MPP7: variants seen among roughly 807,000 people sequenced by gnomAD.
MPP7 encodes MAGUK p55 subfamily member 7.
In MPP7, 60 loss-of-function variants were observed where a neutral mutation model predicts 76.5. The ratio of observed to expected loss-of-function variants is 0.78; its 90% confidence interval spans 0.64 to 0.97. MPP7 has a LOEUF of 0.97. Among genes scored for constraint, MPP7 ranks in the 50% least tolerant of loss-of-function variants. MPP7 has a pLI of 0.00. For synonymous variants in MPP7, 237 were observed against 244.5 expected (o/e 0.97, Z 0.29); for missense variants, 641 against 694.0 (o/e 0.92, Z 0.86).
intron 3 of MPP7, among the ~76,000 whole-genome samples, chr10:28,187,904 T>C (rs1433875065): frequency 6.6e-6 from 1 of 152,220 alleles, no homozygotes; most frequent in Non-Finnish European, 1.5e-5. Context: ...GCAAATCTCA[T>C]AGTGCTAATT....
At chr10:28,147,709 A>C in intron 4 of MPP7, 146 bp from the exon 5 acceptor site, 1 of 694,184 alleles carries the variant, frequency 1.4e-6, no homozygotes, top group Non-Finnish European at 2.5e-6. Context: ...CAGATCATCA[A>C]TCATTGCTCT....
intron 2 of MPP7, among the ~76,000 whole-genome samples, chr10:28,319,502 C>T (rs551382918): frequency 6.6e-5 from 10 of 151,498 alleles, no homozygotes; most frequent in African/African-American, 2.4e-4. Flanking sequence ...CATGGCAAAA[C>T]CCCGTCTCTA....
chr10:28,124,762 C>T (rs1034952708), intron 7 of MPP7, among the ~76,000 whole-genome samples: 3 of 151,938 alleles, frequency 2.0e-5, no homozygotes, highest in Non-Finnish European at 2.9e-5. Flanking sequence ...GGATTACAGG[C>T]GTGAGCCACC....
intron 2 of MPP7, among the ~76,000 whole-genome samples, chr10:28,204,614 G>C (rs570953361): frequency 6.6e-6 from 1 of 152,298 alleles, no homozygotes; most frequent in African/African-American, 2.4e-5. Flanking sequence ...TCGGAAGAAA[G>C]TAGCTGAGGG....
chr10:28,119,012 C>T, intron 11 of MPP7: 1 of 985,222 alleles, frequency 1.0e-6, no homozygotes, highest in African/African-American at 1.7e-5. Context: ...GGGATGCAGA[C>T]TTGAAGAGCT....
chr10:28,294,050 G>T (rs1301425916), intron 1 of MPP7, among the ~76,000 whole-genome samples: 2 of 152,234 alleles, frequency 1.3e-5, no homozygotes, highest in Non-Finnish European at 2.9e-5. Flanking sequence ...GCTCACGCCT[G>T]TAATACCAGC....
chr10:28,290,491 G>A (rs1840890820), intron 1 of MPP7, among the ~76,000 whole-genome samples: 1 of 152,024 alleles, frequency 6.6e-6, no homozygotes, highest in Non-Finnish European at 1.5e-5. Flanking sequence ...GTTTTGTTGA[G>A]ATAAGAGATT....
intron 13 of MPP7, among the ~76,000 whole-genome samples, chr10:28,068,655 C>A (rs1420698149): frequency 6.6e-6 from 1 of 151,896 alleles, no homozygotes; most frequent in Non-Finnish European, 1.5e-5. Flanking sequence ...CATGAAAAGC[C>A]CATTTAACAT....
At chr10:28,155,605 A>AAAAAAAAAG (rs112075429) in intron 3 of MPP7, among the ~76,000 whole-genome samples, 2 of 150,592 alleles carry the variant, frequency 1.3e-5, no homozygotes, top group African/African-American at 5.0e-5. Context: ...CTCCAAAAAA[A>AAAAAAAAAG]AAAAGAAAGA....
chr10:28,103,626 A>C (rs1240094273), intron 11 of MPP7, among the ~76,000 whole-genome samples: 1 of 152,104 alleles, frequency 6.6e-6, no homozygotes, highest in African/African-American at 2.4e-5. Context: ...ATTATTCAGC[A>C]ATTTGTCTCC....
At chr10:28,093,446 T>C (rs1053874390) in intron 11 of MPP7, among the ~76,000 whole-genome samples, 3 of 150,674 alleles carry the variant, frequency 2.0e-5, no homozygotes, top group African/African-American at 7.3e-5. Flanking sequence ...TACTTTCCTT[T>C]TTTTTTTTTT....
intron 1 of MPP7, among the ~76,000 whole-genome samples, chr10:28,242,221 C>T (rs1169391455): frequency 6.6e-6 from 1 of 152,246 alleles, no homozygotes; most frequent in East Asian, 1.9e-4. Flanking sequence ...ATTATGTTAG[C>T]AATCTATCAT....
intron 12 of MPP7, among the ~76,000 whole-genome samples, chr10:28,076,185 C>A (rs749720022): frequency 9.9e-5 from 15 of 152,266 alleles, no homozygotes; most frequent in Admixed American, 3.3e-4. Flanking sequence ...GAAAGAAAAT[C>A]TTGCTCCCAA....
intron 11 of MPP7, among the ~76,000 whole-genome samples, chr10:28,117,393 CAG>C (rs1286783968): frequency 6.6e-6 from 1 of 151,940 alleles, no homozygotes; most frequent in African/African-American, 2.4e-5. Context: ...TTAATTGAAT[CAG>C]AAACTTTTTT....
At chr10:28,220,747 T>C (rs745735471) in intron 2 of MPP7, among the ~76,000 whole-genome samples, 1 of 152,104 alleles carries the variant, frequency 6.6e-6, no homozygotes, top group African/African-American at 2.4e-5. Context: ...GAAAGAGAGG[T>C]AGGCTTTTCT....
chr10:28,220,883 C>G (rs1029099804), intron 2 of MPP7, among the ~76,000 whole-genome samples: 3 of 152,124 alleles, frequency 2.0e-5, no homozygotes, highest in African/African-American at 7.2e-5. Context: ...CCTTAATAAG[C>G]AGTAGCTTCT....
chr10:28,269,599 T>C (rs1309523436), intron 1 of MPP7, among the ~76,000 whole-genome samples: 1 of 150,702 alleles, frequency 6.6e-6, no homozygotes, highest in Admixed American at 6.7e-5. Context: ...TGATCAAAGC[T>C]CACTGCAGCC....
chr10:28,302,976 CCAGCGGGCTCGGCACCGCCG>C lies in MPP7; in HGVS notation c.-267_-248del, dbSNP rs1487744218. Among the ~76,000 whole-genome samples, 2 of 151,054 alleles carry C rather than the reference CCAGCGGGCTCGGCACCGCCG, an allele frequency of 1.3e-5. No homozygotes were observed. Among genetic ancestry groups the C allele is most frequent in the Non-Finnish European group, 3.0e-5 (2 of 67,388 alleles). On this transcript the variant is annotated 5_prime_UTR_variant, in exon 1 of 17. Coordinates refer to ENST00000683449, the MANE Select transcript of MPP7 (RefSeq NM_001318170.2). ...CACCGCCGCAGAGGACAATCGGGAG[CCAGCGGGCTCGGCACCGCCG>C]CGGCGGGCGCAGAACGCACGAGCCC...
At chr10:28,068,709 A>G (rs886655163) in intron 13 of MPP7, among the ~76,000 whole-genome samples, 1 of 152,268 alleles carries the variant, frequency 6.6e-6, no homozygotes, top group Non-Finnish European at 1.5e-5. Context: ...AGAAAGGTTT[A>G]TATTATAATT....
Sources: allele counts gnomAD v4.1 joint callset (sites outside exome capture counted in the v4.1 genomes callset), GRCh38; gene constraint gnomAD v4.1.1; transcripts MANE v1.5; gene names NCBI Gene and HGNC (gene_info 2026-07-23, HGNC 2026-07-21).